DNM2: variants seen among roughly 807,000 people sequenced by gnomAD.
DNM2 encodes the protein dynamin-2.
DNM2 carries 15 observed loss-of-function variants against 99.0 expected under a neutral mutation model. That is an observed-to-expected ratio of 0.15 (90% CI 0.10 to 0.23). The LOEUF (loss-of-function observed/expected upper bound fraction) is 0.23. DNM2 is among the 10% of genes least tolerant of loss of function. DNM2 has a pLI of 1.00. For synonymous variants in DNM2, 525 were observed against 481.2 expected, an observed-to-expected ratio of 1.09 and a Z score of -1.19; for missense variants, 742 against 1,189.4, an observed-to-expected ratio of 0.62 and a Z score of 5.53.
chr19:10,739,948 T>C (rs1237417603), intron 1 of DNM2, among the ~76,000 whole-genome samples: 3 of 151,284 alleles, frequency 2.0e-5, no homozygotes, highest in African/African-American at 7.3e-5. Context: ...TTTTGAATAC[T>C]AATTAAATTT....
rs2072945311 is a variant in DNM2 at position 10,820,784 on chromosome 19, A to C, written c.1781+695A>C. On this transcript the variant is annotated intron_variant, in intron 16 of 20. Transcript: ENST00000389253. This position sits in a 1 kb window ranked among gnomAD's most constrained non-coding sequence, Gnocchi z 4.3. Reference sequence around the variant, plus strand: ...AGTCTGGGATGTGAACTGGGCAGTCACCATTGCGTGGATGGTATTTCAAGG... The same window carrying C: ...AGTCTGGGATGTGAACTGGGCAGTCCCCATTGCGTGGATGGTATTTCAAGG... Among the ~76,000 whole-genome samples the C allele has an allele frequency of 6.6e-6, 1 of 152,210 alleles. No individual in the cohort carries two copies. Among genetic ancestry groups the C allele is most frequent in the South Asian group, 2.1e-4 (1 of 4,838 alleles).
At chr19:10,792,510 T>G (rs2071787006) in intron 7 of DNM2, among the ~76,000 whole-genome samples, 1 of 152,242 alleles carries the variant, frequency 6.6e-6, no homozygotes, top group African/African-American at 2.4e-5. Flanking sequence ...GAGAGACTCT[T>G]TTTAAGGGCC....
At chr19:10,794,689 G>A (rs1375076218) in intron 8 of DNM2, among the ~76,000 whole-genome samples, 3 of 151,662 alleles carry the variant, frequency 2.0e-5, no homozygotes, top group Non-Finnish European at 2.9e-5. Context: ...ATGCAGCAAT[G>A]AGCCAAGATG....
chr19:10,796,272 A>G lies in DNM2; in HGVS notation c.1196+833A>G. The G allele has an allele frequency of 6.2e-7, 1 of 1,607,012 alleles. No homozygotes were observed. Among genetic ancestry groups the G allele is most frequent in the Non-Finnish European group, 8.5e-7 (1 of 1,175,876 alleles). On this transcript the variant is annotated intron_variant, in intron 9 of 20. Transcript: ENST00000389253. This position sits in a 1 kb window ranked among gnomAD's most constrained non-coding sequence, Gnocchi z 5.6. ...TACGGGGGTTTGGTATCAGGCTCCC[A>G]GCGCCTCATTGGCCCCCACTGGTGC...
chr19:10,799,966 G>A (rs911430250), intron 11 of DNM2, among the ~76,000 whole-genome samples: 6 of 151,690 alleles, frequency 4.0e-5, no homozygotes, highest in South Asian at 2.1e-4. Context: ...TCCTGCAGCC[G>A]CAGCCTCAGC....
Position 10,795,280 on chromosome 19 carries a change from C to G in DNM2, c.1129-92C>G. ...TAAATATTCTGCCTTGTGAATATAGCCACACGTGGGAGAGAACGTTCCCCA... is the reference window on the plus strand; with the variant it reads ...TAAATATTCTGCCTTGTGAATATAGGCACACGTGGGAGAGAACGTTCCCCA... On this transcript the variant is annotated intron_variant, in intron 8 of 20. Coordinates refer to ENST00000389253, the MANE Select transcript of DNM2 (RefSeq NM_001005361.3). This position sits in a 1 kb window ranked among gnomAD's most constrained non-coding sequence, Gnocchi z 4.2. 8.5e-7 allele frequency: 1 copy of G among 1,173,364 alleles called. No homozygotes were observed. Among genetic ancestry groups the G allele is most frequent in the Non-Finnish European group, 1.3e-6 (1 of 780,874 alleles). The allele number at this position is 1,173,364 out of a possible 1,614,324, so 72.7% of individuals were successfully genotyped here.
In DNM2 at chr19:10,794,013, G is replaced by C. The variant is rs1610095; in HGVS notation, c.1128+158G>C. On this transcript the variant is annotated intron_variant, in intron 8 of 20. Coordinates refer to ENST00000389253, the MANE Select transcript of DNM2 (RefSeq NM_001005361.3). ...TGGCCTGGATGAGGTGTCCCCATGG[G>C]CTTCCTTTTCTGACACTCAGCTTTG... 0.52 allele frequency among the ~76,000 whole-genome samples: 79,812 copies of C among 152,054 alleles called. 22,921 individuals carry two copies. The highest frequency in any genetic ancestry group is 0.85 in the East Asian group (4,421 of 5,172).
rs1010944363 is a variant in DNM2 at position 10,806,070 on chromosome 19, C to T, written c.1545+103C>T. 9.1e-6 allele frequency: 13 copies of T among 1,429,850 alleles called. No individual in the cohort carries two copies. In the African/African-American group the frequency reaches 1.7e-4, roughly 19 times the overall value. The allele number at this position is 1,429,850 out of a possible 1,614,324, so 88.6% of individuals were successfully genotyped here. ...GAGCTCGGCCTGTGTAAAGCCCCAC[C>T]CCACAGCCTCAGTACCAGGCCATCT... On this transcript the variant is annotated intron_variant, in intron 13 of 20. Coordinates refer to ENST00000389253, the MANE Select transcript of DNM2 (RefSeq NM_001005361.3).
chr19:10,731,350 CCTT>C (rs1423352230), intron 1 of DNM2, among the ~76,000 whole-genome samples: 1 of 149,200 alleles, frequency 6.7e-6, no homozygotes, highest in East Asian at 2.1e-4. Context: ...CTTTTCTTTT[CCTT>C]CTTTTTTTTT....
intron 1 of DNM2, among the ~76,000 whole-genome samples, chr19:10,726,089 C>T (rs1211440776): frequency 6.6e-6 from 1 of 151,848 alleles, no homozygotes; most frequent in Non-Finnish European, 1.5e-5. Context: ...TGTGGTGGCT[C>T]TCACCTGTAG....
chr19:10,830,488 A>G lies in DNM2; in HGVS notation c.2543+110A>G. On this transcript the variant is annotated intron_variant, in intron 20 of 20. Coordinates refer to ENST00000389253, the MANE Select transcript of DNM2 (RefSeq NM_001005361.3). The surrounding 1 kb of genome is among the most constrained non-coding windows in gnomAD (Gnocchi z 4.8). ...ACTACGTGCCCAGCTGCTGGAGTGG[A>G]GGAATCGTCCTCATCCCTATTTGGC... 7.8e-7 allele frequency: 1 copy of G among 1,287,434 alleles called. No homozygotes were observed. The highest frequency in any genetic ancestry group is 1.1e-6 in the Non-Finnish European group (1 of 928,134). The allele number at this position is 1,287,434 out of a possible 1,614,324, so 79.8% of individuals were successfully genotyped here. A position where few individuals can be genotyped will look rare whatever the true frequency, so the allele number is the denominator to read the frequency against.
At chr19:10,789,010 A>G (rs1233394674) in intron 7 of DNM2, among the ~76,000 whole-genome samples, 1 of 152,154 alleles carries the variant, frequency 6.6e-6, no homozygotes, top group African/African-American at 2.4e-5. Flanking sequence ...CTTTCTACAG[A>G]GCAGATAGTG....
At chr19:10,748,421 T>A (rs2070071924) in intron 1 of DNM2, among the ~76,000 whole-genome samples, 2 of 152,098 alleles carry the variant, frequency 1.3e-5, no homozygotes, top group African/African-American at 2.4e-5. Flanking sequence ...GTTTCTCCCC[T>A]CCCTGCCCTT....
At chr19:10,728,827 G>A (rs191726764) in intron 1 of DNM2, among the ~76,000 whole-genome samples, 6 of 151,644 alleles carry the variant, frequency 4.0e-5, no homozygotes, top group Admixed American at 3.3e-4. Context: ...CTTGTCTGTC[G>A]TCCCAGCTAC....
Position 10,816,566 on chromosome 19 carries a change from C to T in DNM2, c.1672-3414C>T, listed in dbSNP as rs914309403. On this transcript the variant is annotated intron_variant, in intron 15 of 20. Transcript: ENST00000389253. This position sits in a 1 kb window ranked among gnomAD's most constrained non-coding sequence, Gnocchi z 4.6. Reference sequence around the variant, plus strand: ...CAGATCGGATGGCTCCTCAAAATGGCTGGGGTGGGGTAGGGTGCCCTTTCT... The same window carrying T: ...CAGATCGGATGGCTCCTCAAAATGGTTGGGGTGGGGTAGGGTGCCCTTTCT... Among the ~76,000 whole-genome samples, 1 of 152,106 alleles carries T rather than the reference C, an allele frequency of 6.6e-6. No individual in the cohort carries two copies. The highest frequency in any genetic ancestry group is 1.5e-5 in the Non-Finnish European group (1 of 67,992).
chr19:10,803,282 C>T (rs528425716), intron 12 of DNM2, among the ~76,000 whole-genome samples: 9 of 152,286 alleles, frequency 5.9e-5, no homozygotes, highest in East Asian at 3.9e-4. Context: ...CAACATTTAT[C>T]GGTGCACCTG....
rs2072780343 is a variant in DNM2, at chr19:10,817,287, C to T, written c.1672-2693C>T. ...CCTCGGGGCTCCCTCTGCCTTTCCC[C>T]AGTGCCTCTTCTCCCACCCAGGCCC... On this transcript the variant is annotated intron_variant, in intron 15 of 20. Transcript: ENST00000389253. This position sits in a 1 kb window ranked among gnomAD's most constrained non-coding sequence, Gnocchi z 4.6. 1.3e-5 allele frequency: 5 copies of T among 381,182 alleles called. No homozygotes were observed. The highest frequency in any genetic ancestry group is 9.4e-5 in the South Asian group (5 of 53,186). The allele number at this position is 381,182 out of a possible 1,614,324, so 23.6% of individuals were successfully genotyped here.
In DNM2 at chr19:10,831,156, GC is replaced by G; in HGVS notation, c.*110del. On this transcript the variant is annotated 3_prime_UTR_variant, in exon 21 of 21. Transcript: ENST00000389253. This position sits in a 1 kb window ranked among gnomAD's most constrained non-coding sequence, Gnocchi z 4.3. Reference sequence around the variant, plus strand: ...TATGCTGGGACCAGGCTCCCAGTGGGCAGCCCTGGCCTCTTCCTTAACGCTG... The same window carrying G: ...TATGCTGGGACCAGGCTCCCAGTGGGAGCCCTGGCCTCTTCCTTAACGCTG... 3 of 1,461,076 alleles carry G rather than the reference GC, an allele frequency of 2.1e-6. No individual in the cohort carries two copies. The highest frequency in any genetic ancestry group is 2.4e-4 in the Middle Eastern group (1 of 4,138). 90.5% of individuals were successfully genotyped at this position (1,461,076 alleles called of 1,614,324 possible).
chr19:10,790,009 C>T (rs569275530), intron 7 of DNM2, among the ~76,000 whole-genome samples: 7 of 152,356 alleles, frequency 4.6e-5, no homozygotes, highest in Non-Finnish European at 8.8e-5. Context: ...GGCACTCTCA[C>T]CATGGAGAAG....
Sources: allele counts gnomAD v4.1 joint callset (sites outside exome capture counted in the v4.1 genomes callset), GRCh38; gene constraint gnomAD v4.1.1; non-coding constraint Gnocchi (gnomAD v3.1); transcripts MANE v1.5; gene names NCBI Gene and HGNC (gene_info 2026-07-23, HGNC 2026-07-21).